GPBP1: variants seen among roughly 807,000 people sequenced by gnomAD.
GPBP1 encodes vasculin.
In GPBP1, 13 loss-of-function variants were observed where a neutral mutation model predicts 56.5. That is an observed-to-expected ratio of 0.23 (90% CI 0.15 to 0.37). The LOEUF (loss-of-function observed/expected upper bound fraction) is 0.37, where lower values mean the gene tolerates loss of function less well. Ranked by LOEUF, GPBP1 falls within the 10% of genes least tolerant of loss-of-function variation. The probability of loss-of-function intolerance (pLI) is 1.00; values close to 1 mark genes in which losing one functional copy is unlikely to be tolerated. For synonymous variants in GPBP1, 204 were observed against 188.9 expected, an observed-to-expected ratio of 1.08 and a Z score of -0.66; for missense variants, 477 against 572.3, an observed-to-expected ratio of 0.83 and a Z score of 1.70.
chr5:57,174,135 C>G lies in GPBP1; in HGVS notation c.-1087C>G, dbSNP rs1753687778. On this transcript the variant is annotated 5_prime_UTR_variant, in exon 1 of 12. Coordinates refer to ENST00000506184, the MANE Select transcript of GPBP1 (RefSeq NM_022913.4). Reference sequence around the variant, plus strand: ...GGAAAAGCGGCAAAAGGGGATTATTCAAAGTACCGAAAACCTTCTCCCGGG... The same window carrying G: ...GGAAAAGCGGCAAAAGGGGATTATTGAAAGTACCGAAAACCTTCTCCCGGG... The G allele has an allele frequency of 6.5e-6, 1 of 153,406 alleles. No individual in the cohort carries two copies. The highest frequency in any genetic ancestry group is 1.5e-5 in the Non-Finnish European group (1 of 68,756). 9.5% of individuals were successfully genotyped at this position (153,406 alleles called of 1,614,324 possible). A position where few individuals can be genotyped will look rare whatever the true frequency, so the allele number is the denominator to read the frequency against.
At chr5:57,235,687 A>G (rs6876973) in intron 5 of GPBP1, among the ~76,000 whole-genome samples, 1,727 of 152,310 alleles carry the variant, frequency 0.011, 9 homozygotes, top group Non-Finnish European at 0.018. Context: ...GCTTGGGACC[A>G]GAAGTGTTTT....
chr5:57,256,278 A>G (rs1038129752), intron 10 of GPBP1, among the ~76,000 whole-genome samples: 5 of 152,080 alleles, frequency 3.3e-5, no homozygotes, highest in Admixed American at 3.3e-4. Context: ...ATAAAAGACA[A>G]AAACATCCTA....
At chr5:57,251,570 C>T (rs925176389) in intron 10 of GPBP1, among the ~76,000 whole-genome samples, 6 of 149,478 alleles carry the variant, frequency 4.0e-5, no homozygotes, top group African/African-American at 1.5e-4. Flanking sequence ...TAGTTGTTTC[C>T]ACCTCTTTTT....
At chr5:57,220,620 C>T (rs1044816523) in intron 3 of GPBP1, among the ~76,000 whole-genome samples, 6 of 151,822 alleles carry the variant, frequency 4.0e-5, no homozygotes, top group Non-Finnish European at 5.9e-5. Context: ...CTATCACACC[C>T]AGCTGATTTT....
At position 57,251,002 on chromosome 5, in the gene GPBP1, A is replaced by C; in HGVS notation, c.1021A>C (p.Arg341=). 6.2e-7 allele frequency: 1 copy of C among 1,612,508 alleles called. No homozygotes were observed. The highest frequency in any genetic ancestry group is 8.5e-7 in the Non-Finnish European group (1 of 1,179,070). ...LHNSNSTHQE[R]DINRNFDENE... is the part of the protein sequence containing the mutation. Reference sequence around the variant, plus strand: ...TAACAGCAATAGTACTCACCAAGAAAGGGATATAAACCGAAACTTCGATGA... The same window carrying C: ...TAACAGCAATAGTACTCACCAAGAACGGGATATAAACCGAAACTTCGATGA... Residue 341 remains arginine, a synonymous_variant, in exon 10 of 12, where the codon AGG becomes CGG. Transcript: ENST00000506184.
intron 2 of GPBP1, among the ~76,000 whole-genome samples, chr5:57,180,208 G>A (rs1434895463): frequency 6.6e-6 from 1 of 152,116 alleles, no homozygotes; most frequent in African/African-American, 2.4e-5. Flanking sequence ...TCCGCATCCC[G>A]GGTTCAAGTG....
At chr5:57,185,901 T>C (rs1754264345) in intron 2 of GPBP1, among the ~76,000 whole-genome samples, 1 of 151,754 alleles carries the variant, frequency 6.6e-6, no homozygotes, top group Admixed American at 6.6e-5. Flanking sequence ...CTGCAGAGGC[T>C]TGAGCCCAGG....
intron 2 of GPBP1, among the ~76,000 whole-genome samples, chr5:57,189,506 C>T (rs1754428399): frequency 1.3e-5 from 2 of 152,226 alleles, no homozygotes; most frequent in South Asian, 2.1e-4. Flanking sequence ...GATCCACCCA[C>T]CTTGGCCTCC....
chr5:57,189,104 G>T (rs781016466), intron 2 of GPBP1, among the ~76,000 whole-genome samples: 9 of 152,048 alleles, frequency 5.9e-5, no homozygotes, highest in Non-Finnish European at 1.0e-4. Context: ...GGGATTACAG[G>T]CATGCACCAC....
At chr5:57,226,249 T>G (rs1756182434) in intron 3 of GPBP1, among the ~76,000 whole-genome samples, 1 of 152,228 alleles carries the variant, frequency 6.6e-6, no homozygotes, top group Admixed American at 6.5e-5. Context: ...TGGATAATCA[T>G]GGCCTTAGAC....
rs1742023781 is a variant in GPBP1 at position 57,264,247 on chromosome 5, G to T, written c.*1495G>T. 1 of 152,046 alleles carries T rather than the reference G, an allele frequency of 6.6e-6. No homozygotes were observed. Among genetic ancestry groups the T allele is most frequent in the African/African-American group, 2.4e-5 (1 of 41,388 alleles). The allele number at this position is 152,046 out of a possible 1,614,324, so 9.4% of individuals were successfully genotyped here. A position where few individuals can be genotyped will look rare whatever the true frequency, so the allele number is the denominator to read the frequency against. On this transcript the variant is annotated 3_prime_UTR_variant, in exon 12 of 12. Transcript: ENST00000506184. ...TAAATAGACCTTATACTTAAAATAAGGTTTCACTATATAATTTGTCACAAT... is the reference window on the plus strand; with the variant it reads ...TAAATAGACCTTATACTTAAAATAATGTTTCACTATATAATTTGTCACAAT...
intron 6 of GPBP1, among the ~76,000 whole-genome samples, chr5:57,239,354 C>T (rs1281374822): frequency 6.6e-6 from 1 of 152,018 alleles, no homozygotes; most frequent in African/African-American, 2.4e-5. Context: ...ATATGAATAA[C>T]GTTGAGAGCC....
chr5:57,248,419 A>ATTTTTTT (rs70999069), intron 8 of GPBP1, among the ~76,000 whole-genome samples: 1 of 99,346 alleles, frequency 1.0e-5, no homozygotes, highest in Non-Finnish European at 1.8e-5. Flanking sequence ...CTCATATACT[A>ATTTTTTT]TTTTTTTTTT....
At chr5:57,236,614 A>G (rs1475109196) in intron 6 of GPBP1, among the ~76,000 whole-genome samples, 1 of 151,890 alleles carries the variant, frequency 6.6e-6, no homozygotes, top group African/African-American at 2.4e-5. Context: ...ATTTTTTTTT[A>G]AAAGACTGCT....
chr5:57,249,017 A>G (rs1162993169), intron 8 of GPBP1: 2 of 154,786 alleles, frequency 1.3e-5, no homozygotes, highest in Non-Finnish European at 1.4e-5. Context: ...TATAAACCCT[A>G]TGTATGTGTA....
chr5:57,192,685 G>A (rs916717605), intron 2 of GPBP1, among the ~76,000 whole-genome samples: 1 of 150,726 alleles, frequency 6.6e-6, no homozygotes, highest in African/African-American at 2.4e-5. Context: ...CCTGGGAGGC[G>A]GAGGTTGCGG....
At chr5:57,217,169 T>C (rs1048690670) in intron 3 of GPBP1, among the ~76,000 whole-genome samples, 6 of 152,128 alleles carry the variant, frequency 3.9e-5, no homozygotes, top group Non-Finnish European at 4.4e-5. Flanking sequence ...AAGTGGAAAA[T>C]AGCGGCGTAT....
chr5:57,185,816 A>G (rs1754259913), intron 2 of GPBP1, among the ~76,000 whole-genome samples: 1 of 152,000 alleles, frequency 6.6e-6, no homozygotes, highest in Non-Finnish European at 1.5e-5. Flanking sequence ...CCTGGGCAAC[A>G]TGATGAAAAC....
Position 57,175,782 on chromosome 5 carries a change from G to A in GPBP1, c.-676G>A. 2.5e-6 allele frequency: 1 copy of A among 396,806 alleles called. No homozygotes were observed. The highest frequency in any genetic ancestry group is 4.4e-6 in the Non-Finnish European group (1 of 225,490). 24.6% of individuals were successfully genotyped at this position (396,806 alleles called of 1,614,324 possible). A position where few individuals can be genotyped will look rare whatever the true frequency, so the allele number is the denominator to read the frequency against. On this transcript the variant is annotated 5_prime_UTR_variant, in exon 2 of 12. Coordinates refer to ENST00000506184, the MANE Select transcript of GPBP1 (RefSeq NM_022913.4). ...CCGAAACTGAGAGACGTTGATTTGTGTACTGAGTAGTTTCAGCAGTTTCAA... is the reference window on the plus strand; with the variant it reads ...CCGAAACTGAGAGACGTTGATTTGTATACTGAGTAGTTTCAGCAGTTTCAA...
Sources: allele counts gnomAD v4.1 joint callset (sites outside exome capture counted in the v4.1 genomes callset), GRCh38; gene constraint gnomAD v4.1.1; transcripts MANE v1.5; gene names NCBI Gene and HGNC (gene_info 2026-07-23, HGNC 2026-07-21).